TJP2: variants seen among roughly 807,000 people sequenced by gnomAD.
TJP2 encodes tight junction protein 2.
A neutral mutation model predicts 133.1 loss-of-function variants in TJP2; 91 were observed. The observed-to-expected ratio is 0.68, with a 90% confidence interval of 0.58 to 0.81. TJP2 has a LOEUF of 0.81. Ranked by LOEUF, TJP2 falls within the 40% of genes least tolerant of loss-of-function variation. The pLI is 0.00. For missense variants in TJP2, 1,541 were observed against 1,565.6 expected (o/e 0.98, Z 0.26); for synonymous variants, 592 against 583.4 (o/e 1.01, Z -0.21).
In TJP2 at chr9:69,226,010, T is replaced by C. The variant is rs756182601; in HGVS notation, c.1057-12T>C. 6.2e-7 allele frequency: 1 copy of C among 1,613,952 alleles called. No homozygotes were observed. The highest frequency in any genetic ancestry group is 2.2e-5 in the East Asian group (1 of 44,876). ...TTATTGCATTTAACATTACCATTTT[T>C]TATAAACACAGATCAATGGGACTGT... is the stretch of plus-strand genomic sequence containing the variant. On this transcript the variant is annotated splice_polypyrimidine_tract_variant and intron_variant, in intron 6 of 22. Transcript: ENST00000377245.
chr9:69,198,201 A>G (rs1826732701), intron 1 of TJP2, among the ~76,000 whole-genome samples: 1 of 134,024 alleles, frequency 7.5e-6, no homozygotes, highest in African/African-American at 2.8e-5. Context: ...GAGTGCAGTG[A>G]CACTATCTCA....
At chr9:69,198,576 T>C (rs1306194701) in intron 1 of TJP2, among the ~76,000 whole-genome samples, 1 of 152,246 alleles carries the variant, frequency 6.6e-6, no homozygotes, top group African/African-American at 2.4e-5. Context: ...GATCTAGTTG[T>C]GTTGATTCTG....
chr9:69,212,214 G>T (rs1232121360), intron 1 of TJP2, among the ~76,000 whole-genome samples: 2 of 152,126 alleles, frequency 1.3e-5, no homozygotes, highest in Non-Finnish European at 2.9e-5. Flanking sequence ...TTTAAAAAAA[G>T]AATCTATTTG....
chr9:69,169,348 TTTTCTC>T (rs1433840613), upstream of TJP2, among the ~76,000 whole-genome samples: 1 of 132,080 alleles, frequency 7.6e-6, no homozygotes, highest in Non-Finnish European at 1.5e-5. Context: ...ACCTGTAAAC[TTTTCTC>T]TTTTTTTTTT....
intron 22 of TJP2, chr9:69,253,786 A>G (rs113309528): frequency 0.014 from 4,212 of 293,388 alleles, 61 homozygotes; most frequent in Middle Eastern, 0.043. Context: ...CTAGTTTTCC[A>G]GTGATAGAAA....
intron 1 of TJP2, among the ~76,000 whole-genome samples, chr9:69,175,918 A>G (rs1242500583): frequency 6.6e-6 from 1 of 152,136 alleles, no homozygotes; most frequent in Non-Finnish European, 1.5e-5. Flanking sequence ...CTTTTTCAGT[A>G]CCATCCAGAT....
chr9:69,131,502 A>T (rs1220480837), intron 1 of TJP2, among the ~76,000 whole-genome samples: 1 of 152,208 alleles, frequency 6.6e-6, no homozygotes, highest in Non-Finnish European at 1.5e-5. Flanking sequence ...TTCATTTTAA[A>T]GGAATCCTCA....
At chr9:69,153,916 A>T (rs1476189289) in intron 2 of TJP2, among the ~76,000 whole-genome samples, 1 of 152,016 alleles carries the variant, frequency 6.6e-6, no homozygotes, top group African/African-American at 2.4e-5. Context: ...AGTGATGTGG[A>T]TTTTTTTCCC....
intron 7 of TJP2, among the ~76,000 whole-genome samples, chr9:69,226,701 G>A (rs1333650437): frequency 1.3e-5 from 2 of 152,208 alleles, no homozygotes; most frequent in East Asian, 3.9e-4. Flanking sequence ...GTTTCACCAT[G>A]TTGGCCAGGC....
chr9:69,216,570 A>G (rs1043341373), intron 3 of TJP2, 107 bp downstream of exon 3: 1 of 1,216,044 alleles, frequency 8.2e-7, no homozygotes, highest in African/African-American at 1.5e-5. Context: ...AAAAAATAAC[A>G]AACTTTTATA....
At chr9:69,212,220 A>T (rs368365705) in intron 1 of TJP2, among the ~76,000 whole-genome samples, 2 of 152,218 alleles carry the variant, frequency 1.3e-5, no homozygotes, top group African/African-American at 4.8e-5. Context: ...AAAAGAATCT[A>T]TTTGAAACTA....
At chr9:69,153,477 G>A (rs149562566) in intron 2 of TJP2, among the ~76,000 whole-genome samples, 189 of 152,176 alleles carry the variant, frequency 1.2e-3, no homozygotes, top group African/African-American at 4.4e-3. Flanking sequence ...CCAGCTACTC[G>A]GGAGGCTGAG....
intron 17 of TJP2, among the ~76,000 whole-genome samples, chr9:69,244,414 G>T (rs982500817): frequency 1.3e-5 from 2 of 152,066 alleles, no homozygotes; most frequent in Non-Finnish European, 2.9e-5. Flanking sequence ...TGGCTGGGGA[G>T]GGGGAGGTAG....
intron 11 of TJP2, among the ~76,000 whole-genome samples, chr9:69,232,825 G>C (rs146557161): frequency 6.6e-6 from 1 of 152,264 alleles, no homozygotes; most frequent in African/African-American, 2.4e-5. Flanking sequence ...TAACCATGTA[G>C]ATTTTTAAAA....
intron 1 of TJP2, among the ~76,000 whole-genome samples, chr9:69,175,738 T>C (rs1825036429): frequency 6.6e-6 from 1 of 152,124 alleles, no homozygotes; most frequent in African/African-American, 2.4e-5. Flanking sequence ...GCTTCCTCAT[T>C]GTGGGGAGAT....
At chr9:69,129,898 C>T (rs1344269893) in intron 1 of TJP2, among the ~76,000 whole-genome samples, 1 of 151,518 alleles carries the variant, frequency 6.6e-6, no homozygotes, top group Non-Finnish European at 1.5e-5. Flanking sequence ...GCCTGTAATC[C>T]CAGCTGCTTG....
intron 1 of TJP2, among the ~76,000 whole-genome samples, chr9:69,136,785 A>G (rs1269863947): frequency 2.0e-5 from 3 of 152,176 alleles, no homozygotes; most frequent in African/African-American, 7.2e-5. Context: ...TGATGGTGGT[A>G]GGGTGTGTTC....
chr9:69,177,059 C>T (rs972645631), intron 1 of TJP2, among the ~76,000 whole-genome samples: 1 of 152,172 alleles, frequency 6.6e-6, no homozygotes, highest in African/African-American at 2.4e-5. Flanking sequence ...CAGGGAATTC[C>T]TTGCCTCATC....
chr9:69,208,046 T>C (rs1827574311), intron 1 of TJP2, among the ~76,000 whole-genome samples: 2 of 152,218 alleles, frequency 1.3e-5, no homozygotes, highest in African/African-American at 2.4e-5. Context: ...TGGCAGAAGG[T>C]GGATGCTTAA....
Sources: gnomAD v4.1 joint callset for allele counts (sites outside exome capture counted in the v4.1 genomes callset) on GRCh38, gnomAD v4.1.1 for gene constraint, MANE v1.5 for transcripts, NCBI Gene and HGNC (gene_info 2026-07-23, HGNC 2026-07-21) for gene names.